PKIB: variants seen among roughly 807,000 people sequenced by gnomAD.
The protein encoded by PKIB is cAMP-dependent protein kinase inhibitor beta, also known as PKI-beta.
A neutral mutation model predicts 4.5 loss-of-function variants in PKIB; 2 were observed. The ratio of observed to expected loss-of-function variants is 0.44; its 90% CI spans 0.18 to 1.39. The LOEUF is 1.39. Among genes scored for constraint, PKIB ranks in the 40% most tolerant of loss-of-function variants. The pLI is 0.27. For missense variants in PKIB, 94 were observed against 92.6 expected (o/e 1.02, Z -0.06); for synonymous variants, 38 against 36.0 (o/e 1.06, Z -0.20).
rs1003844193 is a variant in PKIB, at chr6:122,689,024, G to T, written c.-9+13880G>T. Among the ~76,000 whole-genome samples, 14 of 151,822 alleles carry T rather than the reference G, an allele frequency of 9.2e-5. No homozygotes were observed. In the South Asian group the frequency reaches 2.1e-3, roughly 23 times the overall value. On this transcript the variant is annotated intron_variant, in intron 3 of 4. Transcript: ENST00000368452. ...TCTTGATCTCCTGACCTCGTGACCCGCCCACCTCGGCCTCCCAAAGTGCTG... is the reference window on the plus strand; with the variant it reads ...TCTTGATCTCCTGACCTCGTGACCCTCCCACCTCGGCCTCCCAAAGTGCTG...
At chr6:122,557,201 A>G (rs1044138012) in intron 2 of PKIB, among the ~76,000 whole-genome samples, 1 of 152,128 alleles carries the variant, frequency 6.6e-6, no homozygotes, top group African/African-American at 2.4e-5. Context: ...AAAGAGAAAA[A>G]CTTCATTTAA....
chr6:122,487,385 T>A (rs2114530053), intron 2 of PKIB, among the ~76,000 whole-genome samples: 2 of 152,326 alleles, frequency 1.3e-5, no homozygotes, highest in Middle Eastern at 6.8e-3. Context: ...GCTTGTTATG[T>A]TCTGAATATT....
At chr6:122,604,897 T>A (rs947287966) in intron 3 of PKIB, among the ~76,000 whole-genome samples, 1 of 152,152 alleles carries the variant, frequency 6.6e-6, no homozygotes, top group Non-Finnish European at 1.5e-5. Flanking sequence ...GTTAGGAAAT[T>A]TCTATTTTAA....
chr6:122,624,340 C>G (rs1775350907), intron 1 of PKIB, among the ~76,000 whole-genome samples: 1 of 152,122 alleles, frequency 6.6e-6, no homozygotes, highest in Admixed American at 6.6e-5. Context: ...TTTGATCAAG[C>G]TTCTTTATAT....
At chr6:122,705,558 G>T (rs1779020410) in intron 3 of PKIB, among the ~76,000 whole-genome samples, 1 of 139,742 alleles carries the variant, frequency 7.2e-6, no homozygotes, top group Admixed American at 7.9e-5. Context: ...TTTTCAGAAA[G>T]CGCATCTTTT....
At chr6:122,609,043 T>C (rs74613361), upstream of PKIB, among the ~76,000 whole-genome samples, 15,914 of 143,300 alleles carry the variant, frequency 0.11, 1,087 homozygotes, top group South Asian at 0.24. Context: ...ACTAATGATA[T>C]AAATAACTCT....
chr6:122,721,630 A>C (rs1241323143), intron 4 of PKIB, among the ~76,000 whole-genome samples: 4 of 152,192 alleles, frequency 2.6e-5, no homozygotes, highest in Non-Finnish European at 5.9e-5. Context: ...AAAGAAGAGC[A>C]GAACACAAGG....
intron 2 of PKIB, among the ~76,000 whole-genome samples, chr6:122,565,322 G>C (rs1773155312): frequency 6.6e-6 from 1 of 152,084 alleles, no homozygotes; most frequent in South Asian, 2.1e-4. Flanking sequence ...TATTTTCAAT[G>C]TTCTTGTCAG....
intron 2 of PKIB, among the ~76,000 whole-genome samples, chr6:122,557,375 CA>C (rs1419333659): frequency 2.6e-5 from 4 of 152,094 alleles, no homozygotes; most frequent in African/African-American, 7.2e-5. Flanking sequence ...CAAGGAAGAA[CA>C]AAATTTGGGG....
chr6:122,522,158 A>C (rs900444231), intron 2 of PKIB, among the ~76,000 whole-genome samples: 37 of 150,644 alleles, frequency 2.5e-4, no homozygotes, highest in Non-Finnish European at 4.9e-4. Context: ...CAAAAAAAAA[A>C]CATAAAGCGA....
intron 2 of PKIB, among the ~76,000 whole-genome samples, chr6:122,500,432 A>G (rs1318245340): frequency 6.6e-6 from 1 of 152,198 alleles, no homozygotes; most frequent in Non-Finnish European, 1.5e-5. Flanking sequence ...TTTTGTTTGC[A>G]TTACATTTAC....
At chr6:122,720,552 G>A (rs1224672489) in intron 4 of PKIB, among the ~76,000 whole-genome samples, 1 of 151,996 alleles carries the variant, frequency 6.6e-6, no homozygotes, top group African/African-American at 2.4e-5. Flanking sequence ...CCTAGAGGAT[G>A]GGCAATTTTA....
rs575234504 is a variant in PKIB at position 122,545,877 on chromosome 6, GA to G, written c.-247-40041del. Among the ~76,000 whole-genome samples the G allele has an allele frequency of 1.0e-3, 153 of 151,506 alleles. 1 individual carries two copies. Among genetic ancestry groups the G allele is most frequent in the African/African-American group, 3.7e-3 (151 of 41,206 alleles). On this transcript the variant is annotated intron_variant, in intron 2 of 6. Transcript: ENST00000392491. ...CAAGCAGAGAGGTGAATATATGGTA[GA>G]AAGCAATATGGCTGGTATTTAGGAC...
Position 122,725,297 on chromosome 6 carries a change from G to A in PKIB, c.*102G>A. ...ATCTGGTGGTAACTGTGGTAACATT[G>A]CAGCCCTAAGCAGCATGTGTATATT... is the stretch of plus-strand genomic sequence containing the variant. On this transcript the variant is annotated 3_prime_UTR_variant, in exon 5 of 5. Coordinates refer to ENST00000368452, the MANE Select transcript of PKIB (RefSeq NM_181795.3). The A allele has an allele frequency of 1.2e-6, 1 of 849,284 alleles. No homozygotes were observed. Among genetic ancestry groups the A allele is most frequent in the Non-Finnish European group, 1.9e-6 (1 of 534,798 alleles). 52.6% of individuals were successfully genotyped at this position (849,284 alleles called of 1,614,324 possible).
At chr6:122,576,716 T>TATATA (rs1562257709) in intron 2 of PKIB, among the ~76,000 whole-genome samples, 1 of 100,634 alleles carries the variant, frequency 9.9e-6, no homozygotes, top group African/African-American at 3.8e-5. Flanking sequence ...ATATATTTTC[T>TATATA]TTTGTATAAT....
chr6:122,715,728 TCCC>T (rs1291271847), intron 3 of PKIB, among the ~76,000 whole-genome samples: 1 of 151,688 alleles, frequency 6.6e-6, no homozygotes, highest in African/African-American at 2.4e-5. Context: ...CACATATTTT[TCCC>T]CCTGTTTTCT....
At chr6:122,519,669 A>G (rs1466498243) in intron 2 of PKIB, among the ~76,000 whole-genome samples, 1 of 152,244 alleles carries the variant, frequency 6.6e-6, no homozygotes, top group Non-Finnish European at 1.5e-5. Flanking sequence ...TCACTAGTAG[A>G]GATGCCTTTT....
At chr6:122,527,628 G>A (rs1174918502) in intron 2 of PKIB, among the ~76,000 whole-genome samples, 2 of 151,962 alleles carry the variant, frequency 1.3e-5, no homozygotes, top group Non-Finnish European at 2.9e-5. Flanking sequence ...GTTTTATATG[G>A]GAATGGTTTG....
chr6:122,545,455 A>G (rs1772463152), intron 2 of PKIB, among the ~76,000 whole-genome samples: 1 of 151,870 alleles, frequency 6.6e-6, no homozygotes, highest in Non-Finnish European at 1.5e-5. Flanking sequence ...ACATGGACAC[A>G]AAGGTTCAAG....
Sources: gnomAD v4.1 joint callset for allele counts (sites outside exome capture counted in the v4.1 genomes callset) on GRCh38, gnomAD v4.1.1 for gene constraint, MANE v1.5 for transcripts, NCBI Gene and HGNC (gene_info 2026-07-23, HGNC 2026-07-21) for gene names.